Variants in PRKAG2 observed in about 807,000 individuals in gnomAD.
PRKAG2 encodes protein kinase AMP-activated non-catalytic subunit gamma 2.
PRKAG2 carries 26 observed loss-of-function variants against 69.6 expected under a neutral mutation model. The observed-to-expected ratio is 0.37, with a 90% CI of 0.27 to 0.52. PRKAG2 has a LOEUF of 0.52. Among genes scored for constraint, PRKAG2 ranks in the 20% least tolerant of loss-of-function variants. The probability of loss-of-function intolerance (pLI) is 0.90; values close to 1 mark genes in which losing one functional copy is unlikely to be tolerated. For missense variants in PRKAG2, 557 were observed against 740.0 expected, an observed-to-expected ratio of 0.75 and a Z score of 2.87; for synonymous variants, 293 against 285.0, an observed-to-expected ratio of 1.03 and a Z score of -0.28.
chr7:151,821,900 T>C (rs1586668402), intron 1 of PRKAG2, among the ~76,000 whole-genome samples: 1 of 152,208 alleles, frequency 6.6e-6, no homozygotes. Flanking sequence ...TCCGTATGTA[T>C]GTATGTACAT....
chr7:151,714,155 T>A (rs1196096985), intron 3 of PRKAG2, among the ~76,000 whole-genome samples: 1 of 151,444 alleles, frequency 6.6e-6, no homozygotes, highest in African/African-American at 2.4e-5. Flanking sequence ...CTTTACGGGG[T>A]TGTCATGGGG....
chr7:151,613,514 T>C (rs1221329589), intron 5 of PRKAG2, among the ~76,000 whole-genome samples: 1 of 152,184 alleles, frequency 6.6e-6, no homozygotes, highest in African/African-American at 2.4e-5. Context: ...TTATATATGT[T>C]TGAGATGGAG....
At chr7:151,787,546 A>G (rs2077074476) in intron 1 of PRKAG2, among the ~76,000 whole-genome samples, 1 of 152,176 alleles carries the variant, frequency 6.6e-6, no homozygotes, top group Non-Finnish European at 1.5e-5. Context: ...TTCCTTTTGA[A>G]GGCTGAATAA....
rs1054869721 is a variant in PRKAG2 at position 151,777,151 on chromosome 7, G to C, written c.466+4001C>G. ...GAGCTTCCTCCTGTGCAGACCACAG[G>C]CCCCAATGGAAGGGGCCATGGCCAG... On this transcript the variant is annotated intron_variant, in intron 3 of 15. Transcript: ENST00000287878. The surrounding 1 kb of genome is among the most constrained non-coding windows in gnomAD (Gnocchi z 4.3). Among the ~76,000 whole-genome samples, 1 of 152,186 alleles carries C rather than the reference G, an allele frequency of 6.6e-6. No individual in the cohort carries two copies. The highest frequency in any genetic ancestry group is 2.4e-5 in the African/African-American group (1 of 41,450).
At chr7:151,594,002 G>A (rs752183394) in intron 6 of PRKAG2, among the ~76,000 whole-genome samples, 4 of 152,226 alleles carry the variant, frequency 2.6e-5, no homozygotes, top group Non-Finnish European at 2.9e-5. Context: ...CGCACGGCAG[G>A]TGTGGGGCAT....
chr7:151,571,582 T>A (rs1412928860), intron 9 of PRKAG2, among the ~76,000 whole-genome samples: 1 of 152,208 alleles, frequency 6.6e-6, no homozygotes, highest in East Asian at 1.9e-4. Context: ...AAATATCATG[T>A]AATGTCAAAA....
chr7:151,602,261 A>G (rs1401490463), intron 5 of PRKAG2, among the ~76,000 whole-genome samples: 2 of 152,232 alleles, frequency 1.3e-5, no homozygotes, highest in African/African-American at 2.4e-5. Context: ...TAAAATTCAA[A>G]AGCAAGAAAT....
intron 1 of PRKAG2, among the ~76,000 whole-genome samples, chr7:151,842,969 G>C (rs1479579322): frequency 1.3e-5 from 2 of 152,010 alleles, no homozygotes; most frequent in Admixed American, 1.3e-4. Flanking sequence ...GGACACTGCT[G>C]AACAGGCTCC....
At chr7:151,736,536 G>T in intron 3 of PRKAG2, 2 of 423,710 alleles carry the variant, frequency 4.7e-6, no homozygotes, top group Non-Finnish European at 6.3e-6. Context: ...ACAATTCTTG[G>T]CACCAATTGG....
chr7:151,788,153 T>C lies in PRKAG2; in HGVS notation c.115-1612A>G, dbSNP rs1038969103. 5.3e-5 allele frequency among the ~76,000 whole-genome samples: 8 copies of C among 152,196 alleles called. No individual in the cohort carries two copies. The highest frequency in any genetic ancestry group is 1.9e-4 in the African/African-American group (8 of 41,452). ...TGCTGGACATCAGGTCATCCTACTGTCAATTTTTTGAGGAGCCACTAAACT... is the reference window on the plus strand; with the variant it reads ...TGCTGGACATCAGGTCATCCTACTGCCAATTTTTTGAGGAGCCACTAAACT... On this transcript the variant is annotated intron_variant, in intron 1 of 15. Transcript: ENST00000287878. This position sits in a 1 kb window ranked among gnomAD's most constrained non-coding sequence, Gnocchi z 4.6.
At chr7:151,703,845 A>AACACAC (rs535818189) in intron 3 of PRKAG2, among the ~76,000 whole-genome samples, 3,316 of 88,434 alleles carry the variant, frequency 0.037, 138 homozygotes, top group Non-Finnish European at 0.042. Context: ...TTTACTGGAA[A>AACACAC]ACACACACAC....
chr7:151,599,228 C>A (rs1815393719), intron 5 of PRKAG2, among the ~76,000 whole-genome samples: 1 of 152,106 alleles, frequency 6.6e-6, no homozygotes, highest in Non-Finnish European at 1.5e-5. Flanking sequence ...AAAGGCAACA[C>A]CGTCCAACCA....
intron 4 of PRKAG2, among the ~76,000 whole-genome samples, chr7:151,672,828 C>A (rs1281210587): frequency 2.0e-5 from 3 of 152,118 alleles, no homozygotes; most frequent in Non-Finnish European, 4.4e-5. Flanking sequence ...TGCTGCCAGC[C>A]GCGTGCTGGG....
chr7:151,560,211 A>G, intron 15 of PRKAG2: 4 of 1,226,472 alleles, frequency 3.3e-6, no homozygotes, highest in Non-Finnish European at 4.1e-6. Flanking sequence ...GTTCTCTCAC[A>G]AAGCACAATT....
At chr7:151,581,086 C>G (rs1417363864) in intron 6 of PRKAG2, among the ~76,000 whole-genome samples, 1 of 151,496 alleles carries the variant, frequency 6.6e-6, no homozygotes, top group South Asian at 2.1e-4. Context: ...ACTATGTACC[C>G]ATAAAAATGA....
At chr7:151,842,103 G>GAT in intron 1 of PRKAG2, among the ~76,000 whole-genome samples, 2 of 143,230 alleles carry the variant, frequency 1.4e-5, no homozygotes, top group Admixed American at 6.9e-5. Context: ...TGGTAGGTAG[G>GAT]GATGGTAGTG....
chr7:151,616,173 C>A (rs1820091528), intron 5 of PRKAG2, among the ~76,000 whole-genome samples: 1 of 152,212 alleles, frequency 6.6e-6, no homozygotes, highest in Non-Finnish European at 1.5e-5. Flanking sequence ...GGTGCAGTGG[C>A]TTCTCCTCAG....
At chr7:151,774,783 G>A (rs768470141) in intron 3 of PRKAG2, among the ~76,000 whole-genome samples, 21 of 152,256 alleles carry the variant, frequency 1.4e-4, no homozygotes, top group Admixed American at 3.3e-4. Context: ...CTCCAGCCTG[G>A]TGACAGAGTG....
chr7:151,806,657 T>G, intron 1 of PRKAG2: 2 of 199,662 alleles, frequency 1.0e-5, no homozygotes, highest in South Asian at 7.4e-5. Flanking sequence ...GAAGGAGTCT[T>G]GGGAGGATTT....
Sources: gnomAD v4.1 joint callset for allele counts (sites outside exome capture counted in the v4.1 genomes callset) on GRCh38, gnomAD v4.1.1 for gene constraint, Gnocchi (gnomAD v3.1) non-coding constraint, MANE v1.5 for transcripts, NCBI Gene and HGNC (gene_info 2026-07-23, HGNC 2026-07-21) for gene names.